SYTL3: variants seen among roughly 807,000 people sequenced by gnomAD.
SYTL3 encodes synaptotagmin like 3.
SYTL3 carries 88 observed loss-of-function variants against 82.1 expected under a neutral mutation model. That is an observed-to-expected ratio of 1.07 (90% CI 0.90 to 1.28). SYTL3 has a LOEUF of 1.28. SYTL3 is among the 50% of genes most tolerant of loss of function. SYTL3 has a pLI of 0.00. For missense variants in SYTL3, 831 were observed against 757.6 expected (o/e 1.10, Z -1.14); for synonymous variants, 311 against 289.4 (o/e 1.07, Z -0.76).
chr6:158,688,834 C>G (rs1415334525), intron 6 of SYTL3, among the ~76,000 whole-genome samples: 6 of 151,990 alleles, frequency 3.9e-5, no homozygotes, highest in African/African-American at 1.5e-4. Context: ...TTAGGTTGAA[C>G]CATAAGAAAT....
chr6:158,763,338 C>G lies in SYTL3; in HGVS notation c.1552C>G (p.Leu518Val). 2 of 1,614,226 alleles carry G rather than the reference C, an allele frequency of 1.2e-6. No individual in the cohort carries two copies. The highest frequency in any genetic ancestry group is 1.7e-6 in the Non-Finnish European group (2 of 1,180,044). ...LTLPDQQKLRLKSPVLRKQAC... is the reference protein window; with the variant it reads ...LTLPDQQKLRVKSPVLRKQAC... The stretch of plus-strand genomic sequence containing the variant: ...TCTGCCAGACCAACAAAAACTGAGA[C>G]TGAAGTCGCCAGTCCTGAGGAAGCA... Residue 518 changes from leucine to valine, a missense_variant, in exon 17 of 18, where the codon CTG becomes GTG. Transcript: ENST00000611299.
At chr6:158,659,994 G>T (rs1002889340) in intron 2 of SYTL3, among the ~76,000 whole-genome samples, 2 of 152,172 alleles carry the variant, frequency 1.3e-5, no homozygotes, top group African/African-American at 4.8e-5. Flanking sequence ...CCTTGAACAG[G>T]CCGGGCGTGG....
At chr6:158,665,297 C>T in intron 4 of SYTL3, 98 bp from the exon 5 acceptor site, 1 of 1,163,770 alleles carries the variant, frequency 8.6e-7, no homozygotes, top group Non-Finnish European at 1.2e-6. Context: ...GCCAAAGCCC[C>T]TTCCCTTGCC....
chr6:158,722,209 G>A (rs1416865016), intron 10 of SYTL3, among the ~76,000 whole-genome samples: 1 of 151,974 alleles, frequency 6.6e-6, no homozygotes, highest in Non-Finnish European at 1.5e-5. Context: ...CACCCAGGCT[G>A]GAGTGTAGTG....
chr6:158,693,855 C>CTTTTCTTTTCTTTTCTTTTTT (rs71030191), intron 6 of SYTL3, among the ~76,000 whole-genome samples: 2 of 96,862 alleles, frequency 2.1e-5, no homozygotes, highest in African/African-American at 5.4e-5. Context: ...TTTTTCTTTT[C>CTTTTCTTTTCTTTTCTTTTTT]TTTTTTTTTT....
intron 5 of SYTL3, among the ~76,000 whole-genome samples, chr6:158,681,918 C>G (rs1778738213): frequency 2.0e-5 from 3 of 152,198 alleles, no homozygotes; most frequent in South Asian, 4.1e-4. Flanking sequence ...GAGCGTCCCA[C>G]AGTTGACATG....
chr6:158,709,499 TGTCTATATTTGTATATATC>T (rs1782523790), intron 8 of SYTL3, among the ~76,000 whole-genome samples: 3 of 152,058 alleles, frequency 2.0e-5, no homozygotes, highest in Non-Finnish European at 2.9e-5. Context: ...AGTCAGGGAG[TGTCTATATTTGTATATATC>T]GTCTATATTT....
intron 15 of SYTL3, among the ~76,000 whole-genome samples, chr6:158,761,693 C>CAGACCAGCAGGGGTCACT: frequency 6.6e-6 from 1 of 152,206 alleles, no homozygotes; most frequent in East Asian, 1.9e-4. Context: ...ACGGGGTCAC[C>CAGACCAGCAGGGGTCACT]AGCAGACCAG....
intron 11 of SYTL3, among the ~76,000 whole-genome samples, chr6:158,743,480 G>T (rs1156537905): frequency 1.3e-5 from 2 of 151,658 alleles, no homozygotes; most frequent in Non-Finnish European, 2.9e-5. Flanking sequence ...TAGCTTCTCC[G>T]TTCATCTACC....
At chr6:158,729,322 C>CT (rs1785113235) in intron 11 of SYTL3, among the ~76,000 whole-genome samples, 1 of 152,102 alleles carries the variant, frequency 6.6e-6, no homozygotes, top group Non-Finnish European at 1.5e-5. Context: ...ATAGATGGCT[C>CT]TAAGTCTCTT....
intron 12 of SYTL3, among the ~76,000 whole-genome samples, chr6:158,750,420 C>T (rs1043436062): frequency 1.3e-5 from 2 of 152,116 alleles, no homozygotes; most frequent in Non-Finnish European, 2.9e-5. Flanking sequence ...TTTATATATT[C>T]TGTTTTACAT....
rs149777429 is a variant in SYTL3 at position 158,698,135 on chromosome 6, G to A, written c.395-9095G>A. On this transcript the variant is annotated intron_variant, in intron 6 of 17. Coordinates refer to ENST00000611299, the MANE Select transcript of SYTL3 (RefSeq NM_001242394.2). ...CTCTGGGCTGGGTGTGGTGGCTCAC[G>A]CCTGTAATTTCAGCACTTTGAAAGG... is the stretch of plus-strand genomic sequence containing the variant. 7.4e-3 allele frequency among the ~76,000 whole-genome samples: 1,122 copies of A among 152,184 alleles called. 17 individuals are homozygous for A. The highest frequency in any genetic ancestry group is 0.025 in the African/African-American group (1,033 of 41,530).
At chr6:158,658,537 T>C (rs1788976298) in intron 2 of SYTL3, among the ~76,000 whole-genome samples, 1 of 152,220 alleles carries the variant, frequency 6.6e-6, no homozygotes, top group Non-Finnish European at 1.5e-5. Context: ...CTGGTCAATC[T>C]TGATGCTACC....
At chr6:158,716,329 T>G (rs1014133040) in intron 9 of SYTL3, among the ~76,000 whole-genome samples, 1 of 152,224 alleles carries the variant, frequency 6.6e-6, no homozygotes, top group Non-Finnish European at 1.5e-5. Context: ...TCCCCTCATC[T>G]GTGAACTTTC....
chr6:158,692,960 A>C (rs1278940946), intron 6 of SYTL3, among the ~76,000 whole-genome samples: 1 of 147,104 alleles, frequency 6.8e-6, no homozygotes, highest in Non-Finnish European at 1.5e-5. Flanking sequence ...CAAAAAAAAG[A>C]AAAAAAAAAG....
intron 6 of SYTL3, among the ~76,000 whole-genome samples, chr6:158,706,587 C>G (rs1191533412): frequency 6.6e-6 from 1 of 152,218 alleles, no homozygotes; most frequent in African/African-American, 2.4e-5. Context: ...TCCCAGCCCC[C>G]TGCTGGACGA....
At chr6:158,756,474 C>T (rs1192644071) in intron 13 of SYTL3, among the ~76,000 whole-genome samples, 1 of 152,158 alleles carries the variant, frequency 6.6e-6, no homozygotes, top group Non-Finnish European at 1.5e-5. Flanking sequence ...ATTTGGGAGG[C>T]CGAGGCAGGT....
At position 158,683,104 on chromosome 6, in the gene SYTL3, A is replaced by G. The variant is rs187508758; in HGVS notation, c.394+115A>G. 199 of 657,218 alleles carry G rather than the reference A, an allele frequency of 3.0e-4. No individual in the cohort carries two copies. In the East Asian group the frequency reaches 6.1e-3, roughly 20 times the overall value. The allele number at this position is 657,218 out of a possible 1,614,324, so 40.7% of individuals were successfully genotyped here. A position where few individuals can be genotyped will look rare whatever the true frequency, so the allele number is the denominator to read the frequency against. ...TGATGGGTGTAGTCTGCGGGCCCCT[A>G]TGTCTTGCCATTCCATTTGCTGATG... is the stretch of plus-strand genomic sequence containing the variant. On this transcript the variant is annotated intron_variant, in intron 6 of 17. Transcript: ENST00000611299.
chr6:158,704,826 G>A (rs1029046151), intron 6 of SYTL3, among the ~76,000 whole-genome samples: 3 of 141,986 alleles, frequency 2.1e-5, no homozygotes, highest in Non-Finnish European at 3.2e-5. Context: ...TGACAGTGAG[G>A]GCTGTAAGGC....
Sources: allele counts gnomAD v4.1 joint callset (sites outside exome capture counted in the v4.1 genomes callset), GRCh38; gene constraint gnomAD v4.1.1; transcripts MANE v1.5; gene names NCBI Gene and HGNC (gene_info 2026-07-23, HGNC 2026-07-21).